The following DTNA variants were observed in gnomAD, a reference collection of about 807,000 sequenced individuals.
DTNA encodes dystrobrevin alpha.
DTNA carries 43 observed loss-of-function variants against 100.7 expected under a neutral mutation model. The ratio of observed to expected loss-of-function variants is 0.43; its 90% CI spans 0.33 to 0.55. DTNA has a LOEUF of 0.55. DTNA is among the 20% of genes least tolerant of loss of function. DTNA has a pLI of 0.04. For missense variants in DTNA, 798 were observed against 953.9 expected (o/e 0.84, Z 2.15); for synonymous variants, 349 against 347.9 (o/e 1.00, Z -0.04).
In DTNA at chr18:34,546,773, TA is replaced by T. The variant is rs1193252606; in HGVS notation, c.-2+53260del. Among the ~76,000 whole-genome samples, 347 of 152,012 alleles carry T rather than the reference TA, an allele frequency of 2.3e-3. 2 individuals are homozygous for T. Among genetic ancestry groups the T allele is most frequent in the African/African-American group, 8.0e-3 (330 of 41,462 alleles). On this transcript the variant is annotated intron_variant, in intron 1 of 19. Transcript: ENST00000283365. ...TTTCTTTCTTTCTTTCTTTTTTTTT[TA>T]TCTCAGCTCACTGCAACTTCTGCTT...
chr18:34,537,040 C>G (rs1047166887), intron 1 of DTNA, among the ~76,000 whole-genome samples: 4 of 151,932 alleles, frequency 2.6e-5, no homozygotes, highest in African/African-American at 9.7e-5. Flanking sequence ...ATATTTTCTC[C>G]TTTGCTCTCT....
Position 34,890,743 on chromosome 18 carries a change from T to G in DTNA, c.*3009T>G, listed in dbSNP as rs1176665012. ...CTGGAGATTGTGAAAAATGGGTTCT[T>G]GAATGATCTACTATAAGGCAGGGAA... is the stretch of plus-strand genomic sequence containing the variant. On this transcript the variant is annotated 3_prime_UTR_variant, in exon 23 of 23. Transcript: ENST00000444659. The G allele has an allele frequency of 3.1e-5, 13 of 421,746 alleles. No homozygotes were observed. Among genetic ancestry groups the G allele is most frequent in the Non-Finnish European group, 4.7e-5 (11 of 231,750 alleles). The allele number at this position is 421,746 out of a possible 1,614,324, so 26.1% of individuals were successfully genotyped here. A position where few individuals can be genotyped will look rare whatever the true frequency, so the allele number is the denominator to read the frequency against.
intron 1 of DTNA, among the ~76,000 whole-genome samples, chr18:34,697,639 G>A (rs2080766333): frequency 6.6e-6 from 1 of 152,190 alleles, no homozygotes; most frequent in Non-Finnish European, 1.5e-5. Flanking sequence ...GGCTTAGAGT[G>A]CAGAAAAGGC....
rs185354484 is a variant in DTNA, at chr18:34,794,328, C to A, written c.362+78C>A. 11 of 1,474,256 alleles carry A rather than the reference C, an allele frequency of 7.5e-6. No individual in the cohort carries two copies. The African/African-American group carries it at 1.3e-4, about 17-fold the overall frequency. The allele number at this position is 1,474,256 out of a possible 1,614,324, so 91.3% of individuals were successfully genotyped here. A position where few individuals can be genotyped will look rare whatever the true frequency, so the allele number is the denominator to read the frequency against. On this transcript the variant is annotated intron_variant, in intron 4 of 22. Transcript: ENST00000444659. The stretch of plus-strand genomic sequence containing the variant: ...TGTCTTACTTGGTCTTTTTCCCAAA[C>A]AATTTTATATCTCTCTCTTTTTTTT...
intron 18 of DTNA, among the ~76,000 whole-genome samples, chr18:34,877,241 C>T (rs946189092): frequency 1.5e-4 from 23 of 152,258 alleles, no homozygotes; most frequent in Admixed American, 1.1e-3. Flanking sequence ...TAGGAGACAG[C>T]GCATGTCCTA....
chr18:34,859,716 C>T (rs1358834175), intron 16 of DTNA, among the ~76,000 whole-genome samples: 1 of 151,740 alleles, frequency 6.6e-6, no homozygotes, highest in Non-Finnish European at 1.5e-5. Context: ...TCCTTAGTTT[C>T]GCTGCCTCCA....
At chr18:34,660,182 G>A (rs2144482027) in intron 1 of DTNA, among the ~76,000 whole-genome samples, 1 of 152,152 alleles carries the variant, frequency 6.6e-6, no homozygotes. Context: ...GCAAAGCTGT[G>A]TAAACTGAAA....
chr18:34,550,451 T>A (rs1267417754), intron 1 of DTNA, among the ~76,000 whole-genome samples: 1 of 152,114 alleles, frequency 6.6e-6, no homozygotes, highest in Non-Finnish European at 1.5e-5. Flanking sequence ...CAGAAAAATA[T>A]CCAGATTTTA....
rs752828928 is a variant in DTNA, at chr18:34,881,437, CTTTTTT to C, written c.2163-612_2163-607del. ...ATAGTGGAATTGGATAATTAAAATG[CTTTTTT>C]TTTTTTTTTTTTTTTTTTTCAGATT... On this transcript the variant is annotated intron_variant, in intron 20 of 22. Transcript: ENST00000444659. Among the ~76,000 whole-genome samples, 43 of 51,400 alleles carry C rather than the reference CTTTTTT, an allele frequency of 8.4e-4. 1 individual carries two copies. Among genetic ancestry groups the C allele is most frequent in the African/African-American group, 1.6e-3 (19 of 11,952 alleles). The allele number at this position is 51,400 out of a possible 152,430, so 33.7% of individuals were successfully genotyped here.
Position 34,889,864 on chromosome 18 carries a change from T to C in DTNA, c.*2130T>C, listed in dbSNP as rs1456589156. ...ACAGATTGATTTTTATTGCGGGTTT[T>C]GTTGGGGTGTCTTAATGTTCATCTC... On this transcript the variant is annotated 3_prime_UTR_variant, in exon 23 of 23. Coordinates refer to ENST00000444659, the MANE Select transcript of DTNA (RefSeq NM_001386795.1). 3.0e-6 allele frequency: 3 copies of C among 995,438 alleles called. No homozygotes were observed. Among genetic ancestry groups the C allele is most frequent in the Non-Finnish European group, 3.6e-6 (3 of 836,030 alleles). The allele number at this position is 995,438 out of a possible 1,614,324, so 61.7% of individuals were successfully genotyped here.
chr18:34,841,759 C>A (rs756591750), intron 13 of DTNA, among the ~76,000 whole-genome samples: 3 of 152,150 alleles, frequency 2.0e-5, no homozygotes, highest in Non-Finnish European at 4.4e-5. Context: ...CTATTTTCCA[C>A]CCCATTCCTT....
intron 1 of DTNA, among the ~76,000 whole-genome samples, chr18:34,581,275 A>AACAAC (rs373822377): frequency 4.2e-5 from 6 of 142,578 alleles, no homozygotes; most frequent in Non-Finnish European, 7.9e-5. Context: ...AACAAAACAA[A>AACAAC]AAAACAAAAC....
upstream of DTNA, among the ~76,000 whole-genome samples, chr18:34,706,038 C>T (rs2082069092): frequency 6.6e-6 from 1 of 152,162 alleles, no homozygotes; most frequent in African/African-American, 2.4e-5. Context: ...ACCTCCGCCT[C>T]CCAGGTACAA....
intron 3 of DTNA, among the ~76,000 whole-genome samples, chr18:34,779,907 G>A (rs1475129392): frequency 1.3e-5 from 2 of 152,110 alleles, no homozygotes; most frequent in East Asian, 3.8e-4. Context: ...CAACGAATGT[G>A]TTCTATTTAT....
rs2096852569 is a variant in DTNA at position 34,879,602 on chromosome 18, A to G, written c.2045A>G (p.Gln682Arg). Residue 682 changes from glutamine to arginine, a missense_variant, in exon 20 of 23, where the codon CAG (glutamine) becomes CGG (arginine). Gln to Arg is a conservative substitution (Grantham distance 43, BLOSUM62 1). This residue lies in a region of DTNA where 242 missense variants were observed against 238.2 expected (regional missense o/e 1.02). Coordinates refer to ENST00000444659, the MANE Select transcript of DTNA (RefSeq NM_001386795.1). ...GTGGATTCTGAATTTGCACGGACTC[A>G]GTTTGAGGATCTTGTTCCCTCACCA... ...SNVDSEFARTQFEDLVPSPTS... is the reference protein window; with the variant it reads ...SNVDSEFARTRFEDLVPSPTS... 1 of 1,614,076 alleles carries G rather than the reference A, an allele frequency of 6.2e-7. No homozygotes were observed. Among genetic ancestry groups the G allele is most frequent in the Non-Finnish European group, 8.5e-7 (1 of 1,180,004 alleles).
Position 34,818,205 on chromosome 18 carries a change from A to G in DTNA, c.751A>G (p.Met251Val). The G allele has an allele frequency of 6.2e-7, 1 of 1,614,078 alleles. No homozygotes were observed. Among genetic ancestry groups the G allele is most frequent in the Non-Finnish European group, 8.5e-7 (1 of 1,179,962 alleles). Residue 251 changes from methionine (M) to valine (V), a missense_variant, in exon 8 of 23, where the codon ATG becomes GTG. Met to Val is a conservative substitution (Grantham distance 21). Around this residue, in one of 6 missense-constraint regions of DTNA, gnomAD observed 81 missense variants for 153.5 expected, o/e 0.53. Transcript: ENST00000444659. Reference sequence around the variant, plus strand: ...GTGTTCCTACTGCCACAGTGAGAGTATGATGGGATTTCGCTACCGATGCCA... The same window carrying G: ...GTGTTCCTACTGCCACAGTGAGAGTGTGATGGGATTTCGCTACCGATGCCA... ...VECSYCHSESMMGFRYRCQQC... is the reference protein window; with the variant it reads ...VECSYCHSESVMGFRYRCQQC...
chr18:34,750,553 G>A (rs1248072212), intron 1 of DTNA, among the ~76,000 whole-genome samples: 1 of 152,110 alleles, frequency 6.6e-6, no homozygotes, highest in Non-Finnish European at 1.5e-5. Context: ...TACTAGCTTA[G>A]GGATTTAATA....
intron 4 of DTNA, among the ~76,000 whole-genome samples, chr18:34,800,707 T>A (rs1299196010): frequency 6.6e-6 from 1 of 152,220 alleles, no homozygotes; most frequent in Non-Finnish European, 1.5e-5. Flanking sequence ...TAAGAAAGAA[T>A]CAGTCAGAAT....
chr18:34,521,752 T>G (rs776636837), intron 1 of DTNA, among the ~76,000 whole-genome samples: 2 of 152,196 alleles, frequency 1.3e-5, no homozygotes, highest in Non-Finnish European at 2.9e-5. Flanking sequence ...TCTGTTCACA[T>G]ATCCTCAGTG....
Sources: gnomAD v4.1 joint callset for allele counts (sites outside exome capture counted in the v4.1 genomes callset) on GRCh38, gnomAD v4.1.1 for gene constraint, gnomAD v4.1.1 regional missense constraint, MANE v1.5 for transcripts, NCBI Gene and HGNC (gene_info 2026-07-23, HGNC 2026-07-21) for gene names.